Variants in SPARCL1 observed in about 807,000 individuals in gnomAD.
SPARCL1 encodes the protein SPARC like 1.
A neutral mutation model predicts 67.1 loss-of-function variants in SPARCL1; 52 were observed. The ratio of observed to expected loss-of-function variants is 0.78; its 90% CI spans 0.62 to 0.98. The LOEUF is 0.98. Ranked by LOEUF, SPARCL1 falls within the 50% of genes least tolerant of loss-of-function variation. SPARCL1 has a pLI of 0.00. For missense variants in SPARCL1, 717 were observed against 782.4 expected, an observed-to-expected ratio of 0.92 and a Z score of 1.00; for synonymous variants, 226 against 267.8, an observed-to-expected ratio of 0.84 and a Z score of 1.52.
At chr4:87,512,112 G>A (rs1158497303) in intron 1 of SPARCL1, among the ~76,000 whole-genome samples, 1 of 151,696 alleles carries the variant, frequency 6.6e-6, no homozygotes, top group Non-Finnish European at 1.5e-5. Context: ...TTATAGGCAT[G>A]CGCCACCAAA....
chr4:87,524,043 T>C (rs1344901715), intron 1 of SPARCL1, among the ~76,000 whole-genome samples: 2 of 152,272 alleles, frequency 1.3e-5, no homozygotes, highest in Non-Finnish European at 2.9e-5. Context: ...GAACACTGAA[T>C]ACATTAGTTG....
chr4:87,499,683 G>A (rs2110236055), intron 1 of SPARCL1, 98 bp from the exon 2 acceptor site: 2 of 873,678 alleles, frequency 2.3e-6, no homozygotes, highest in Middle Eastern at 2.2e-4. Context: ...TATTGTCCTT[G>A]GCATATAAAA....
At chr4:87,487,405 A>C (rs569589439) in intron 7 of SPARCL1, among the ~76,000 whole-genome samples, 31 of 152,320 alleles carry the variant, frequency 2.0e-4, no homozygotes, top group Admixed American at 1.6e-3. Flanking sequence ...TTCTTTAAGC[A>C]TGTTGAATAT....
At chr4:87,482,826 C>A (rs571211096) in intron 7 of SPARCL1, among the ~76,000 whole-genome samples, 141 of 152,212 alleles carry the variant, frequency 9.3e-4, no homozygotes, top group African/African-American at 3.3e-3. Flanking sequence ...TTTTAAAGCT[C>A]CAAGATCTAT....
At position 87,494,604 on chromosome 4, in the gene SPARCL1, A is replaced by G. The variant is rs1223430547; in HGVS notation, c.202-6T>C. 1 of 1,558,510 alleles carries G rather than the reference A, an allele frequency of 6.4e-7. No homozygotes were observed. On this transcript the variant is annotated splice_region_variant and splice_polypyrimidine_tract_variant and intron_variant, in intron 3 of 10. Transcript: ENST00000282470. ...AGTACTGATGATTTTTCAGCCTTAA[A>G]AGAAAAAAAAGTTCATTCTTCAAAC...
chr4:87,507,918 A>G (rs1170178350), intron 1 of SPARCL1, among the ~76,000 whole-genome samples: 2 of 152,236 alleles, frequency 1.3e-5, no homozygotes, highest in African/African-American at 2.4e-5. Flanking sequence ...CTGGTTTATA[A>G]TAAAGGATAT....
chr4:87,517,943 C>T (rs375368866), intron 1 of SPARCL1, among the ~76,000 whole-genome samples: 6 of 152,202 alleles, frequency 3.9e-5, no homozygotes, highest in Non-Finnish European at 5.9e-5. Flanking sequence ...TTGTGTGAAC[C>T]GCTAATGCAA....
At chr4:87,474,549 C>T (rs1322633931) in intron 10 of SPARCL1, among the ~76,000 whole-genome samples, 1 of 152,050 alleles carries the variant, frequency 6.6e-6, no homozygotes, top group Non-Finnish European at 1.5e-5. Flanking sequence ...AAGGCTAATT[C>T]CTCTACCTAT....
In SPARCL1 at chr4:87,521,842, A is replaced by G. The variant is rs547287296; in HGVS notation, c.-12+7203T>C. ...AATAAGGCCAGGTATCTTCTGTTGAATTTGTTTATATCAGAGGAAGCCTGT... is the reference window on the plus strand; with the variant it reads ...AATAAGGCCAGGTATCTTCTGTTGAGTTTGTTTATATCAGAGGAAGCCTGT... On this transcript the variant is annotated intron_variant, in intron 1 of 10. Transcript: ENST00000282470. Among the ~76,000 whole-genome samples, 15 of 152,284 alleles carry G rather than the reference A, an allele frequency of 9.9e-5. No homozygotes were observed. The South Asian group carries it at 3.1e-3, about 32-fold the overall frequency.
At chr4:87,523,878 T>C (rs888828238) in intron 1 of SPARCL1, among the ~76,000 whole-genome samples, 1 of 152,204 alleles carries the variant, frequency 6.6e-6, no homozygotes, top group African/African-American at 2.4e-5. Flanking sequence ...GATGGCATTG[T>C]ATTTGGGGGC....
chr4:87,481,931 G>A (rs2110214321), intron 8 of SPARCL1, among the ~76,000 whole-genome samples: 1 of 152,136 alleles, frequency 6.6e-6, no homozygotes. Flanking sequence ...GTCAATTTCT[G>A]GCACCCAGGA....
At chr4:87,514,138 G>A (rs1725487593) in intron 1 of SPARCL1, among the ~76,000 whole-genome samples, 1 of 152,144 alleles carries the variant, frequency 6.6e-6, no homozygotes, top group Non-Finnish European at 1.5e-5. Context: ...AGGTTGCAGT[G>A]AGCCAAGATT....
Position 87,474,743 on chromosome 4 carries a change from C to CTTTT in SPARCL1, c.1967-944_1967-941dup, listed in dbSNP as rs11397474. 7.5e-3 allele frequency among the ~76,000 whole-genome samples: 983 copies of CTTTT among 130,694 alleles called. 23 individuals are homozygous for CTTTT. The highest frequency in any genetic ancestry group is 0.012 in the South Asian group (52 of 4,244). 85.7% of individuals were successfully genotyped at this position (130,694 alleles called of 152,430 possible). On this transcript the variant is annotated intron_variant, in intron 10 of 10. Transcript: ENST00000282470. Reference sequence around the variant, plus strand: ...CATCTGTAAAGATTTCTCTCTCTCTCTTTTTTTTTTTTTTTTTGAGACGGA... The same window carrying CTTTT: ...CATCTGTAAAGATTTCTCTCTCTCTCTTTTTTTTTTTTTTTTTTTTTGAGACGGA...
At chr4:87,523,904 C>G (rs1449596072) in intron 1 of SPARCL1, among the ~76,000 whole-genome samples, 2 of 152,072 alleles carry the variant, frequency 1.3e-5, no homozygotes, top group African/African-American at 4.8e-5. Flanking sequence ...ATGTTTGGTC[C>G]TATGCAGTTT....
intron 7 of SPARCL1, among the ~76,000 whole-genome samples, chr4:87,484,596 T>G (rs1210657865): frequency 6.6e-6 from 1 of 152,098 alleles, no homozygotes; most frequent in Non-Finnish European, 1.5e-5. Context: ...TTTAAAGTAG[T>G]TTTTTTCTAA....
At chr4:87,500,376 G>A (rs1211576714) in intron 1 of SPARCL1, among the ~76,000 whole-genome samples, 1 of 152,142 alleles carries the variant, frequency 6.6e-6, no homozygotes, top group Non-Finnish European at 1.5e-5. Flanking sequence ...GCTCAGAGAG[G>A]TTAAGTAAGT....
At chr4:87,474,773 C>G (rs1410306691) in intron 10 of SPARCL1, among the ~76,000 whole-genome samples, 16 of 132,118 alleles carry the variant, frequency 1.2e-4, no homozygotes, top group Admixed American at 1.7e-4. Flanking sequence ...GACGGAGTCT[C>G]GCTCTTTCAC....
chr4:87,516,249 T>C (rs1725578244), intron 1 of SPARCL1, among the ~76,000 whole-genome samples: 1 of 152,170 alleles, frequency 6.6e-6, no homozygotes, highest in Admixed American at 6.5e-5. Flanking sequence ...ATCTCCTAGC[T>C]GAGTACCTCT....
At position 87,494,606 on chromosome 4, in the gene SPARCL1, GA is replaced by G. The variant is rs762497471; in HGVS notation, c.202-9del. On this transcript the variant is annotated splice_polypyrimidine_tract_variant and intron_variant, in intron 3 of 10. Transcript: ENST00000282470. ...TACTGATGATTTTTCAGCCTTAAAA[GA>G]AAAAAAAGTTCATTCTTCAAACAAA... 14 of 1,552,356 alleles carry G rather than the reference GA, an allele frequency of 9.0e-6. No homozygotes were observed. Among genetic ancestry groups the G allele is most frequent in the Admixed American group, 2.2e-5 (1 of 46,296 alleles).
Sources: gnomAD v4.1 joint callset for allele counts (sites outside exome capture counted in the v4.1 genomes callset) on GRCh38, gnomAD v4.1.1 for gene constraint, MANE v1.5 for transcripts, NCBI Gene and HGNC (gene_info 2026-07-23, HGNC 2026-07-21) for gene names.